The following SCAF4 variants were observed in gnomAD, a reference collection of about 807,000 sequenced individuals.
SCAF4 encodes SR-related and CTD-associated factor 4.
SCAF4 carries 25 observed loss-of-function variants against 129.8 expected under a neutral mutation model. That is an observed-to-expected ratio of 0.19 (90% CI 0.14 to 0.27). The LOEUF (loss-of-function observed/expected upper bound fraction) is 0.27. SCAF4 is among the 10% of genes least tolerant of loss of function. The probability of loss-of-function intolerance (pLI) is 1.00; values close to 1 mark genes in which losing one functional copy is unlikely to be tolerated. For synonymous variants in SCAF4, 551 were observed against 497.7 expected (o/e 1.11, Z -1.43); for missense variants, 1,246 against 1,457.1 (o/e 0.86, Z 2.36).
intron 5 of SCAF4, 93 bp downstream of exon 5, chr21:31,702,151 A>G (rs2050547662): frequency 1.3e-6 from 2 of 1,525,004 alleles, no homozygotes; most frequent in South Asian, 1.2e-5. Context: ...TTTCCTTCTT[A>G]TAGAAAAATT....
At position 31,672,011 on chromosome 21, in the gene SCAF4, C is replaced by G. The variant is rs556908812; in HGVS notation, c.2832G>C (p.Pro944=). The G allele has an allele frequency of 1.2e-6, 2 of 1,611,744 alleles. No homozygotes were observed. Among genetic ancestry groups the G allele is most frequent in the South Asian group, 2.2e-5 (2 of 90,918 alleles). The change falls in exon 20 of 20, where the codon CCG becomes CCC. Residue 944 remains proline, a synonymous_variant. Coordinates refer to ENST00000286835, the MANE Select transcript of SCAF4 (RefSeq NM_020706.2). ...PEDRDGRQQP[P]QQPQQQPQPQ... is the part of the protein sequence containing the mutation. Reference sequence around the variant, plus strand: ...GCTGTGGCTGCTGCTGTGGCTGCTGCGGCGGCTGTTGCCTTCCGTCTCTGT... The same window carrying G: ...GCTGTGGCTGCTGCTGTGGCTGCTGGGGCGGCTGTTGCCTTCCGTCTCTGT...
chr21:31,694,153 C>A, intron 11 of SCAF4, 51 bp downstream of exon 11: 1 of 958,490 alleles, frequency 1.0e-6, no homozygotes, highest in Non-Finnish European at 1.6e-6. Flanking sequence ...ATTTTAATTT[C>A]TATGTCCCCT....
At chr21:31,706,536 C>CT in intron 1 of SCAF4, 179 bp from the exon 2 acceptor site, 2 of 579,488 alleles carry the variant, frequency 3.5e-6, no homozygotes, top group Non-Finnish European at 6.1e-6. Context: ...AGCACACACC[C>CT]TCCCCACTGC....
At chr21:31,726,520 C>T (rs994491739) in intron 1 of SCAF4, among the ~76,000 whole-genome samples, 1 of 152,074 alleles carries the variant, frequency 6.6e-6, no homozygotes, top group Admixed American at 6.6e-5. Context: ...GAAAAATTAG[C>T]CAGGCATGGT....
chr21:31,689,092 T>C (rs528430370), intron 15 of SCAF4, among the ~76,000 whole-genome samples: 18 of 152,152 alleles, frequency 1.2e-4, no homozygotes, highest in Non-Finnish European at 2.6e-4. Flanking sequence ...GATTACACCA[T>C]CTTCTTCTTT....
At chr21:31,717,946 C>CAT (rs200398694) in intron 1 of SCAF4, among the ~76,000 whole-genome samples, 74 of 118,652 alleles carry the variant, frequency 6.2e-4, no homozygotes, top group South Asian at 1.3e-3. Context: ...CACACACACA[C>CAT]ATATATATTT....
intron 1 of SCAF4, among the ~76,000 whole-genome samples, chr21:31,725,504 T>C (rs1373859624): frequency 2.6e-5 from 4 of 152,202 alleles, no homozygotes; most frequent in Non-Finnish European, 5.9e-5. Context: ...CTAATTTATG[T>C]CCAATTTTAA....
chr21:31,731,854 G>T lies in SCAF4; in HGVS notation c.-162C>A. ...GAAGAGGCTGCGCCCGAAGCGGCGA[G>T]GCGGGCGGCCGAGGCAGAGGCGGAG... On this transcript the variant is annotated 5_prime_UTR_variant, in exon 1 of 20. Transcript: ENST00000286835. The T allele has an allele frequency of 4.0e-6, 3 of 755,674 alleles. No homozygotes were observed. Among genetic ancestry groups the T allele is most frequent in the Middle Eastern group, 3.8e-4 (1 of 2,624 alleles). The allele number at this position is 755,674 out of a possible 1,614,324, so 46.8% of individuals were successfully genotyped here. A position where few individuals can be genotyped will look rare whatever the true frequency, so the allele number is the denominator to read the frequency against.
chr21:31,703,496 C>A (rs995972320), intron 4 of SCAF4, among the ~76,000 whole-genome samples: 3 of 152,060 alleles, frequency 2.0e-5, no homozygotes, highest in African/African-American at 7.2e-5. Context: ...GTTTCCCTTA[C>A]CCCTAGTCCC....
At chr21:31,713,789 G>GA (rs960590869) in intron 1 of SCAF4, among the ~76,000 whole-genome samples, 2 of 151,984 alleles carry the variant, frequency 1.3e-5, no homozygotes, top group Non-Finnish European at 2.9e-5. Flanking sequence ...TGCCATGTCA[G>GA]AAAAAAACTT....
intron 1 of SCAF4, among the ~76,000 whole-genome samples, chr21:31,723,949 C>G (rs956058478): frequency 1.4e-4 from 21 of 152,160 alleles, no homozygotes; most frequent in African/African-American, 4.8e-4. Context: ...ACCCGGGCTT[C>G]TAATTCTTAA....
intron 1 of SCAF4, among the ~76,000 whole-genome samples, chr21:31,709,580 T>C (rs536240762): frequency 6.6e-6 from 1 of 152,312 alleles, no homozygotes; most frequent in African/African-American, 2.4e-5. Flanking sequence ...AAACACTCTA[T>C]AGTCTCTATT....
At chr21:31,688,881 A>C (rs1195190087) in intron 15 of SCAF4, among the ~76,000 whole-genome samples, 13 of 152,234 alleles carry the variant, frequency 8.5e-5, no homozygotes, top group African/African-American at 2.9e-4. Context: ...GAAATAAAGG[A>C]TAATGAAACA....
In SCAF4 at chr21:31,731,697, G is replaced by A. The variant is rs765482277; in HGVS notation, c.-5C>T. On this transcript the variant is annotated 5_prime_UTR_variant, in exon 1 of 20. Transcript: ENST00000286835. ...GAAGGCGTTGACGGCGTCCATGTTCGCGCTGCGGCGGCGGCTGCTCCGGGC... is the reference window on the plus strand; with the variant it reads ...GAAGGCGTTGACGGCGTCCATGTTCACGCTGCGGCGGCGGCTGCTCCGGGC... 9.5e-6 allele frequency: 15 copies of A among 1,582,184 alleles called. No individual in the cohort carries two copies. The highest frequency in any genetic ancestry group is 1.3e-5 in the Non-Finnish European group (15 of 1,170,022).
intron 1 of SCAF4, among the ~76,000 whole-genome samples, chr21:31,727,503 A>C (rs2051235218): frequency 6.6e-6 from 1 of 152,172 alleles, no homozygotes; most frequent in Non-Finnish European, 1.5e-5. Flanking sequence ...TGGGTTAAAA[A>C]ACACAATCTG....
At chr21:31,672,946 C>T (rs1316715416) in intron 19 of SCAF4, among the ~76,000 whole-genome samples, 1 of 152,188 alleles carries the variant, frequency 6.6e-6, no homozygotes, top group African/African-American at 2.4e-5. Context: ...AAACAAAGAT[C>T]CATACACAAA....
At chr21:31,681,456 A>AT (rs2123484566) in intron 19 of SCAF4, among the ~76,000 whole-genome samples, 1 of 152,324 alleles carries the variant, frequency 6.6e-6, no homozygotes, top group South Asian at 2.1e-4. Flanking sequence ...TAGGTTGTAC[A>AT]TATTAGAGAT....
In SCAF4 at chr21:31,689,579, G is replaced by A. The variant is rs558036407; in HGVS notation, c.1886-1115C>T. ...CCTGCCTCAGCATCCCAAAGTGCTC[G>A]GATTACAGGCATGAGCCACCGTGCC... is the stretch of plus-strand genomic sequence containing the variant. On this transcript the variant is annotated intron_variant, in intron 15 of 19. Coordinates refer to ENST00000286835, the MANE Select transcript of SCAF4 (RefSeq NM_020706.2). 1.8e-4 allele frequency among the ~76,000 whole-genome samples: 27 copies of A among 148,494 alleles called. 2 individuals are homozygous for A. The South Asian group carries it at 4.8e-3, about 26-fold the overall frequency.
Position 31,694,989 on chromosome 21 carries a change from T to A in SCAF4, c.1069-9A>T. On this transcript the variant is annotated splice_polypyrimidine_tract_variant and intron_variant, in intron 9 of 19. Transcript: ENST00000286835. ...TTAGGAGGAAGTGGAACCTTTCATT[T>A]TTAAAGAAAGTGTATGAGTAATAGC... The A allele has an allele frequency of 1.2e-6, 2 of 1,611,322 alleles. No homozygotes were observed. The highest frequency in any genetic ancestry group is 1.7e-6 in the Non-Finnish European group (2 of 1,178,350).
Sources: allele counts gnomAD v4.1 joint callset (sites outside exome capture counted in the v4.1 genomes callset), GRCh38; gene constraint gnomAD v4.1.1; transcripts MANE v1.5; gene names NCBI Gene and HGNC (gene_info 2026-07-23, HGNC 2026-07-21).